The following ERICH5 variants were observed in gnomAD, a reference collection of about 807,000 sequenced individuals.
ERICH5 encodes glutamate rich 5.
In ERICH5, 24 loss-of-function variants were observed where a neutral mutation model predicts 28.0. The observed-to-expected ratio is 0.86, with a 90% CI of 0.62 to 1.21. The LOEUF (loss-of-function observed/expected upper bound fraction) is 1.21, where lower values mean the gene tolerates loss of function less well. ERICH5 is among the 50% of genes most tolerant of loss of function. The pLI, the probability that ERICH5 is intolerant of heterozygous loss-of-function variation, is 0.00. For synonymous variants in ERICH5, 163 were observed against 157.6 expected (o/e 1.03, Z -0.25); for missense variants, 421 against 441.2 (o/e 0.95, Z 0.41).
At chr8:98,079,314 G>A (rs1196969237) in intron 1 of ERICH5, among the ~76,000 whole-genome samples, 4 of 151,484 alleles carry the variant, frequency 2.6e-5, no homozygotes, top group Admixed American at 6.6e-5. Flanking sequence ...GGGACTACAG[G>A]TGCATGCCAC....
At position 98,089,936 on chromosome 8, in the gene ERICH5, A is replaced by C; in HGVS notation, c.919A>C (p.Ser307Arg). 6.2e-7 allele frequency: 1 copy of C among 1,614,196 alleles called. No homozygotes were observed. Among genetic ancestry groups the C allele is most frequent in the Non-Finnish European group, 8.5e-7 (1 of 1,179,994 alleles). ...GATTCAACCTGAAGGAATAGTTGGA[A>C]GCATGGAGCATCCAGCACGAAATGT... ...EQIQPEGIVG[S>R]MEHPARNVEA... The change falls in exon 2 of 3, where the codon AGC becomes CGC. Residue 307 changes from serine to arginine, a missense_variant. Coordinates refer to ENST00000318528, the MANE Select transcript of ERICH5 (RefSeq NM_173549.3).
chr8:98,085,082 G>GTTCAT (rs1815248798), intron 1 of ERICH5, among the ~76,000 whole-genome samples: 1 of 125,876 alleles, frequency 7.9e-6, no homozygotes, highest in South Asian at 2.6e-4. Flanking sequence ...CTTATCAATT[G>GTTCAT]TTCATTTCTT....
At chr8:98,078,193 TGGGAAAA>T (rs1438915599) in intron 1 of ERICH5, among the ~76,000 whole-genome samples, 13 of 152,222 alleles carry the variant, frequency 8.5e-5, no homozygotes, top group African/African-American at 3.1e-4. Flanking sequence ...TGCTTTGATG[TGGGAAAA>T]GGGAAAAAAC....
At chr8:98,088,939 T>C in intron 1 of ERICH5, 137 bp from the exon 2 acceptor site, 1 of 652,258 alleles carries the variant, frequency 1.5e-6, no homozygotes, top group East Asian at 2.7e-5. Context: ...TGGTATGGCC[T>C]TTCTGTACTC....
At chr8:98,065,568 C>A (rs1430606281) in intron 1 of ERICH5, among the ~76,000 whole-genome samples, 1 of 152,176 alleles carries the variant, frequency 6.6e-6, no homozygotes, top group African/African-American at 2.4e-5. Flanking sequence ...AAAAGAAACA[C>A]GTGAAACAAT....
intron 1 of ERICH5, among the ~76,000 whole-genome samples, chr8:98,086,066 G>A (rs956364777): frequency 6.6e-6 from 1 of 152,000 alleles, no homozygotes; most frequent in African/African-American, 2.4e-5. Context: ...AAGCATCTTC[G>A]GAGGTGTTGG....
At chr8:98,076,956 C>T (rs1236242847) in intron 1 of ERICH5, among the ~76,000 whole-genome samples, 1 of 152,066 alleles carries the variant, frequency 6.6e-6, no homozygotes, top group Non-Finnish European at 1.5e-5. Flanking sequence ...AGCTGTGTGC[C>T]CCTCTTAGAT....
intron 1 of ERICH5, among the ~76,000 whole-genome samples, chr8:98,080,789 G>C (rs1815169791): frequency 7.3e-6 from 1 of 136,826 alleles, no homozygotes; most frequent in Non-Finnish European, 1.5e-5. Flanking sequence ...TACAACCTCT[G>C]CCTCCCAGGT....
Position 98,075,785 on chromosome 8 carries a change from CTTT to C in ERICH5, c.58+11075_58+11077del, listed in dbSNP as rs1296283210. The stretch of plus-strand genomic sequence containing the variant: ...TAACTCCCATCTCAAGCACACCTGC[CTTT>C]TTTTTTTTTTTTTTTTGAGACAGGG... On this transcript the variant is annotated intron_variant, in intron 1 of 2. Coordinates refer to ENST00000318528, the MANE Select transcript of ERICH5 (RefSeq NM_173549.3). Among the ~76,000 whole-genome samples the C allele has an allele frequency of 9.8e-5, 8 of 81,632 alleles. 1 individual carries two copies. Among genetic ancestry groups the C allele is most frequent in the Admixed American group, 1.8e-4 (1 of 5,568 alleles). The allele number at this position is 81,632 out of a possible 152,430, so 53.6% of individuals were successfully genotyped here. A position where few individuals can be genotyped will look rare whatever the true frequency, so the allele number is the denominator to read the frequency against.
At chr8:98,079,927 T>C (rs1322126215) in intron 1 of ERICH5, among the ~76,000 whole-genome samples, 2 of 152,228 alleles carry the variant, frequency 1.3e-5, no homozygotes, top group African/African-American at 4.8e-5. Flanking sequence ...AACTTCATAG[T>C]GTTTAGGAGA....
At chr8:98,069,852 A>G (rs1814880106) in intron 1 of ERICH5, among the ~76,000 whole-genome samples, 1 of 152,254 alleles carries the variant, frequency 6.6e-6, no homozygotes, top group South Asian at 2.1e-4. Flanking sequence ...TTTTTCTAAA[A>G]CAGAAAACTT....
chr8:98,091,998 C>CCTTCCTTCCTTCCTTCCTTT, intron 2 of ERICH5, among the ~76,000 whole-genome samples: 1 of 128,678 alleles, frequency 7.8e-6, no homozygotes, highest in African/African-American at 2.9e-5. Context: ...CTCTCCCCTT[C>CCTTCCTTCCTTCCTTCCTTT]CTTCCTTCCT....
chr8:98,075,876 G>A (rs1276176530), intron 1 of ERICH5, among the ~76,000 whole-genome samples: 1 of 141,624 alleles, frequency 7.1e-6, no homozygotes, highest in Admixed American at 7.9e-5. Context: ...AAAGTGCTTG[G>A]ATTACAGATG....
Position 98,073,638 on chromosome 8 carries a change from G to A in ERICH5, c.58+8911G>A, listed in dbSNP as rs569795938. Among the ~76,000 whole-genome samples the A allele has an allele frequency of 5.1e-4, 74 of 146,072 alleles. No homozygotes were observed. The East Asian group carries it at 8.2e-3, about 16-fold the overall frequency. ...GCTTACTGCAACCTCCTTCTCCCGG[G>A]TTCAAGTGATTCTCCTGCATCACCG... On this transcript the variant is annotated intron_variant, in intron 1 of 2. Transcript: ENST00000318528.
chr8:98,069,469 A>G (rs927858048), intron 1 of ERICH5, among the ~76,000 whole-genome samples: 7 of 152,140 alleles, frequency 4.6e-5, no homozygotes, highest in African/African-American at 1.7e-4. Flanking sequence ...AATGTAGTGT[A>G]CTATACCCAC....
chr8:98,089,478 C>T lies in ERICH5; in HGVS notation c.461C>T (p.Pro154Leu), dbSNP rs1335014623. The change falls in exon 2 of 3, where the codon CCA becomes CTA. Residue 154 changes from proline (P) to leucine (L), a missense_variant. Coordinates refer to ENST00000318528, the MANE Select transcript of ERICH5 (RefSeq NM_173549.3). ...AATGCTGAAGCTCAGCCTTTAGGACCAGAAGCCAAGGGTCAGCCTTTGCAG... is the reference window on the plus strand; with the variant it reads ...AATGCTGAAGCTCAGCCTTTAGGACTAGAAGCCAAGGGTCAGCCTTTGCAG... ...KGNAEAQPLG[P>L]EAKGQPLQAA... 6.2e-7 allele frequency: 1 copy of T among 1,614,202 alleles called. No homozygotes were observed. The highest frequency in any genetic ancestry group is 1.3e-5 in the African/African-American group (1 of 75,050).
chr8:98,080,571 T>TCTTCTC (rs1300757991), intron 1 of ERICH5, among the ~76,000 whole-genome samples: 1 of 152,096 alleles, frequency 6.6e-6, no homozygotes, highest in African/African-American at 2.4e-5. Context: ...TTTCATTTCT[T>TCTTCTC]CTTCTCCTTC....
chr8:98,081,267 A>G (rs551996441), intron 1 of ERICH5, among the ~76,000 whole-genome samples: 3 of 151,712 alleles, frequency 2.0e-5, no homozygotes, highest in African/African-American at 4.8e-5. Context: ...CACCATACCC[A>G]GCTAATTTTT....
At chr8:98,084,413 G>A (rs1033355576) in intron 1 of ERICH5, among the ~76,000 whole-genome samples, 12 of 151,880 alleles carry the variant, frequency 7.9e-5, no homozygotes, top group East Asian at 1.9e-4. Flanking sequence ...TCGAAGTCTC[G>A]CTCTTGTCCC....
Sources: gnomAD v4.1 joint callset for allele counts (sites outside exome capture counted in the v4.1 genomes callset) on GRCh38, gnomAD v4.1.1 for gene constraint, MANE v1.5 for transcripts, NCBI Gene and HGNC (gene_info 2026-07-23, HGNC 2026-07-21) for gene names.